Variants in XYLT1 observed in about 807,000 individuals in gnomAD.
The protein encoded by XYLT1 is beta-D-xylosyltransferase 1.
In XYLT1, 36 loss-of-function variants were observed where a neutral mutation model predicts 91.3. That is an observed-to-expected ratio of 0.39 (90% CI 0.30 to 0.52). XYLT1 has a LOEUF of 0.52. Among genes scored for constraint, XYLT1 ranks in the 20% least tolerant of loss-of-function variants. The pLI, the probability that XYLT1 is intolerant of heterozygous loss-of-function variation, is 0.68. For missense variants in XYLT1, 1,242 were observed against 1,284.5 expected (o/e 0.97, Z 0.51); for synonymous variants, 588 against 532.0 (o/e 1.11, Z -1.45).
intron 1 of XYLT1, among the ~76,000 whole-genome samples, chr16:17,366,688 G>A (rs1280330337): frequency 6.6e-6 from 1 of 152,100 alleles, no homozygotes; most frequent in African/African-American, 2.4e-5. Context: ...GACTGGGACC[G>A]TGTCTTAAAA....
chr16:17,259,284 T>C lies in XYLT1; in HGVS notation c.617A>G (p.His206Arg), dbSNP rs1422772803. The C allele has an allele frequency of 9.3e-6, 15 of 1,614,034 alleles. No homozygotes were observed. Among genetic ancestry groups the C allele is most frequent in the Admixed American group, 1.7e-5 (1 of 59,992 alleles). Reference sequence around the variant, plus strand: ...ACCGGGGCCTTTCCCAGGGAATGTATGTCCTTTTCCTTTCTCCTGCTGTTC... The same window carrying C: ...ACCGGGGCCTTTCCCAGGGAATGTACGTCCTTTTCCTTTCTCCTGCTGTTC... ...KLEQQEKGKG[H>R]TFPGKGPGEV... Residue 206 changes from histidine (H) to arginine (R), a missense_variant, in exon 3 of 12, where the codon CAT becomes CGT. His to Arg is a conservative substitution (Grantham distance 29, BLOSUM62 0). Coordinates refer to ENST00000261381, the MANE Select transcript of XYLT1 (RefSeq NM_022166.4).
chr16:17,225,163 A>C (rs191108234), intron 3 of XYLT1, among the ~76,000 whole-genome samples: 1,177 of 95,152 alleles, frequency 0.012, 20 homozygotes, highest in African/African-American at 0.071. Context: ...ACACACACAC[A>C]CACACACACA....
rs565743578 is a variant in XYLT1, at chr16:17,153,089, T to A, written c.1370+5740A>T. Among the ~76,000 whole-genome samples the A allele has an allele frequency of 3.9e-5, 6 of 152,324 alleles. No individual in the cohort carries two copies. The South Asian group carries it at 1.2e-3, about 32-fold the overall frequency. On this transcript the variant is annotated intron_variant, in intron 6 of 11. Transcript: ENST00000261381. The stretch of plus-strand genomic sequence containing the variant: ...GTGTATATTATCATCAAGATTCTTC[T>A]CATATCAACAACACCATCATTATCA...
chr16:17,254,773 C>T (rs892809565), intron 3 of XYLT1, among the ~76,000 whole-genome samples: 45 of 152,196 alleles, frequency 3.0e-4, no homozygotes, highest in Middle Eastern at 3.4e-3. Context: ...TTTATGTTAC[C>T]AGTAAGCTTT....
chr16:17,442,192 G>A (rs145113738), intron 1 of XYLT1, among the ~76,000 whole-genome samples: 35 of 152,220 alleles, frequency 2.3e-4, no homozygotes, highest in African/African-American at 4.1e-4. Flanking sequence ...GCTTGCCACC[G>A]CAGGCCTTGG....
chr16:17,264,846 T>C (rs2033778925), intron 2 of XYLT1, among the ~76,000 whole-genome samples: 1 of 152,174 alleles, frequency 6.6e-6, no homozygotes, highest in Non-Finnish European at 1.5e-5. Flanking sequence ...AGTTTCCTCA[T>C]TTAAAACATT....
At chr16:17,330,629 AT>A (rs2034880849) in intron 2 of XYLT1, among the ~76,000 whole-genome samples, 1 of 147,644 alleles carries the variant, frequency 6.8e-6, no homozygotes, top group Admixed American at 6.6e-5. Flanking sequence ...TCTACTAAAA[AT>A]AAAAAAAAAA....
At chr16:17,291,298 T>G (rs2034222462) in intron 2 of XYLT1, among the ~76,000 whole-genome samples, 1 of 152,218 alleles carries the variant, frequency 6.6e-6, no homozygotes, top group Admixed American at 6.5e-5. Context: ...CCATTGTGCC[T>G]GGCCTAATTG....
In XYLT1 at chr16:17,108,680, T is replaced by C; in HGVS notation, c.*15A>G. On this transcript the variant is annotated 3_prime_UTR_variant, in exon 12 of 12. Transcript: ENST00000261381. ...CCGTTGAGATCCTGCTGTGGCCCACTCCTCGTGCCCAGTGCTACCTGAGCC... is the reference window on the plus strand; with the variant it reads ...CCGTTGAGATCCTGCTGTGGCCCACCCCTCGTGCCCAGTGCTACCTGAGCC... 2 of 1,544,964 alleles carry C rather than the reference T, an allele frequency of 1.3e-6. No individual in the cohort carries two copies. Among genetic ancestry groups the C allele is most frequent in the South Asian group, 2.4e-5 (2 of 82,246 alleles).
chr16:17,386,658 C>A (rs529127727), intron 1 of XYLT1, among the ~76,000 whole-genome samples: 8 of 152,290 alleles, frequency 5.3e-5, no homozygotes, highest in African/African-American at 1.9e-4. Flanking sequence ...ATGTCAATTG[C>A]ATCCAAGAAG....
chr16:17,102,671 T>C lies in XYLT1; in HGVS notation c.*6024A>G, dbSNP rs555801305. On this transcript the variant is annotated 3_prime_UTR_variant, in exon 12 of 12. Coordinates refer to ENST00000261381, the MANE Select transcript of XYLT1 (RefSeq NM_022166.4). ...TACTGGTCAATTTCAGATAGTTCAA[T>C]ATCTCTTAAAATACTCCTTTAAATA... 1 of 152,552 alleles carries C rather than the reference T, an allele frequency of 6.6e-6. No individual in the cohort carries two copies. The highest frequency in any genetic ancestry group is 2.1e-4 in the South Asian group (1 of 4,828). 9.4% of individuals were successfully genotyped at this position (152,552 alleles called of 1,614,324 possible).
At chr16:17,129,093 A>AC (rs1237978238) in intron 9 of XYLT1, among the ~76,000 whole-genome samples, 6 of 150,916 alleles carry the variant, frequency 4.0e-5, no homozygotes, top group Non-Finnish European at 5.9e-5. Flanking sequence ...AAAAAAAAAA[A>AC]AAAACTTGAA....
At chr16:17,347,487 G>C (rs971266795) in intron 2 of XYLT1, among the ~76,000 whole-genome samples, 1 of 152,198 alleles carries the variant, frequency 6.6e-6, no homozygotes, top group Non-Finnish European at 1.5e-5. Flanking sequence ...AGACTGTTTA[G>C]AATGTTTATT....
chr16:17,241,454 C>T (rs988110013), intron 3 of XYLT1, among the ~76,000 whole-genome samples: 10 of 152,220 alleles, frequency 6.6e-5, no homozygotes, highest in African/African-American at 2.4e-4. Context: ...GGCCCACTGC[C>T]GTGGCTTCGC....
In XYLT1 at chr16:17,103,546, A is replaced by C. The variant is rs2141470908; in HGVS notation, c.*5149T>G. 6.6e-6 allele frequency: 1 copy of C among 152,338 alleles called. No individual in the cohort carries two copies. The highest frequency in any genetic ancestry group is 3.4e-3 in the Middle Eastern group (1 of 294). The allele number at this position is 152,338 out of a possible 1,614,324, so 9.4% of individuals were successfully genotyped here. A position where few individuals can be genotyped will look rare whatever the true frequency, so the allele number is the denominator to read the frequency against. The stretch of plus-strand genomic sequence containing the variant: ...GATGGGAGGGAAAGGATGGATGGTC[A>C]GCTTCCCAAAAATAATGTTAAGGCC... On this transcript the variant is annotated 3_prime_UTR_variant, in exon 12 of 12. Coordinates refer to ENST00000261381, the MANE Select transcript of XYLT1 (RefSeq NM_022166.4).
intron 1 of XYLT1, among the ~76,000 whole-genome samples, chr16:17,457,227 G>C (rs556104704): frequency 9.9e-5 from 15 of 152,232 alleles, no homozygotes; most frequent in Middle Eastern, 3.4e-3. Flanking sequence ...GGAGGAAGAG[G>C]ACCCTATGCT....
At chr16:17,174,559 T>C (rs2031897097) in intron 5 of XYLT1, among the ~76,000 whole-genome samples, 1 of 152,156 alleles carries the variant, frequency 6.6e-6, no homozygotes, top group African/African-American at 2.4e-5. Flanking sequence ...ATATGAAATA[T>C]TCAGAGTTGG....
In XYLT1 at chr16:17,234,585, C is replaced by CTT. The variant is rs561574083; in HGVS notation, c.913+24401_913+24402dup. On this transcript the variant is annotated intron_variant, in intron 3 of 11. Transcript: ENST00000261381. ...AAAAACTAACAGCTCATTGACTACT[C>CTT]TTTTTTTTTTTTTGGCATTTCTAAA... Among the ~76,000 whole-genome samples, 36 of 142,314 alleles carry CTT rather than the reference C, an allele frequency of 2.5e-4. 1 individual carries two copies. The highest frequency in any genetic ancestry group is 8.2e-4 in the African/African-American group (32 of 38,962). 93.4% of individuals were successfully genotyped at this position (142,314 alleles called of 152,430 possible).
chr16:17,430,264 T>A (rs1474881050), intron 1 of XYLT1, among the ~76,000 whole-genome samples: 1 of 152,130 alleles, frequency 6.6e-6, no homozygotes, highest in Non-Finnish European at 1.5e-5. Context: ...CTCCAGAATC[T>A]AGAACGTTTT....
Sources: gnomAD v4.1 joint callset for allele counts (sites outside exome capture counted in the v4.1 genomes callset) on GRCh38, gnomAD v4.1.1 for gene constraint, MANE v1.5 for transcripts, NCBI Gene and HGNC (gene_info 2026-07-23, HGNC 2026-07-21) for gene names.